Variants in RNF168 observed in about 807,000 individuals in gnomAD.
RNF168 encodes the protein E3 ubiquitin-protein ligase RNF168.
In RNF168, 34 loss-of-function variants were observed where a neutral mutation model predicts 34.9. The observed-to-expected ratio is 0.97, with a 90% CI of 0.74 to 1.30. RNF168 has a LOEUF of 1.30. Among genes scored for constraint, RNF168 ranks in the 50% most tolerant of loss-of-function variants. The pLI is 0.00. For synonymous variants in RNF168, 264 were observed against 254.7 expected, an observed-to-expected ratio of 1.04 and a Z score of -0.35; for missense variants, 725 against 682.5, an observed-to-expected ratio of 1.06 and a Z score of -0.69.
chr3:196,496,568 A>G (rs1732748117), intron 1 of RNF168, among the ~76,000 whole-genome samples: 1 of 152,228 alleles, frequency 6.6e-6, no homozygotes, highest in African/African-American at 2.4e-5. Flanking sequence ...ACCTACACAA[A>G]CAGAGAAATA....
chr3:196,480,319 T>C (rs564318921), intron 4 of RNF168, among the ~76,000 whole-genome samples: 9 of 152,316 alleles, frequency 5.9e-5, no homozygotes, highest in African/African-American at 1.9e-4. Context: ...TATTACTTGG[T>C]TGAAGGGAAA....
intron 4 of RNF168, among the ~76,000 whole-genome samples, chr3:196,480,008 C>T (rs931043416): frequency 3.3e-5 from 5 of 152,058 alleles, no homozygotes; most frequent in South Asian, 2.1e-4. Context: ...AGCACGGTCA[C>T]GGGGAGGGGG....
rs190842578 is a variant in RNF168 at position 196,475,331 on chromosome 3, A to C, written c.681-19T>G. ...CAAATACCTAAAAGAAAAGTTTACC[A>C]AAGTTTCAATGCTTTCAAAGACAGA... On this transcript the variant is annotated intron_variant, in intron 4 of 5. Transcript: ENST00000318037. The C allele has an allele frequency of 5.6e-4, 821 of 1,476,246 alleles. 4 individuals carry two copies. In the African/African-American group the frequency reaches 8.2e-3, roughly 15 times the overall value. The allele number at this position is 1,476,246 out of a possible 1,614,324, so 91.4% of individuals were successfully genotyped here.
At chr3:196,483,693 A>G in intron 4 of RNF168, 77 bp downstream of exon 4, 1 of 1,226,034 alleles carries the variant, frequency 8.2e-7, no homozygotes, top group Non-Finnish European at 1.2e-6. Flanking sequence ...TTTGAGAATC[A>G]GTAGTAGTCT....
At chr3:196,490,182 T>C (rs1732559078) in intron 1 of RNF168, among the ~76,000 whole-genome samples, 1 of 152,142 alleles carries the variant, frequency 6.6e-6, no homozygotes, top group African/African-American at 2.4e-5. Context: ...CAGTAAGCTA[T>C]ACAAAGAGAA....
chr3:196,478,663 T>C (rs1732210330), intron 4 of RNF168, among the ~76,000 whole-genome samples: 1 of 151,720 alleles, frequency 6.6e-6, no homozygotes, highest in Non-Finnish European at 1.5e-5. Flanking sequence ...ATTTTGTTTA[T>C]TTTAGTTATT....
At chr3:196,473,716 G>T (rs374165709) in intron 5 of RNF168, among the ~76,000 whole-genome samples, 1 of 152,066 alleles carries the variant, frequency 6.6e-6, no homozygotes. Flanking sequence ...TTAGCCGGGC[G>T]TGGGGGTATA....
intron 4 of RNF168, among the ~76,000 whole-genome samples, chr3:196,479,537 G>C (rs1732238609): frequency 6.6e-6 from 1 of 152,006 alleles, no homozygotes; most frequent in Admixed American, 6.6e-5. Flanking sequence ...CTAGGCTCAA[G>C]TGATCCACCT....
chr3:196,499,167 C>T (rs1338063346), intron 1 of RNF168, among the ~76,000 whole-genome samples: 1 of 151,364 alleles, frequency 6.6e-6, no homozygotes, highest in Non-Finnish European at 1.5e-5. Flanking sequence ...AACTAGTGTC[C>T]TGGTAAAAAA....
chr3:196,497,446 C>T (rs572138596), intron 1 of RNF168, among the ~76,000 whole-genome samples: 2 of 152,108 alleles, frequency 1.3e-5, no homozygotes, highest in African/African-American at 2.4e-5. Flanking sequence ...CCAAGGCAGG[C>T]GGATCACGAG....
At chr3:196,488,551 G>T in intron 2 of RNF168, 56 bp downstream of exon 2, 1 of 1,023,494 alleles carries the variant, frequency 9.8e-7, no homozygotes, top group South Asian at 1.4e-5. Flanking sequence ...ATTAAAATCT[G>T]AAACTAAAAA....
chr3:196,481,914 T>A (rs991752850), intron 4 of RNF168, among the ~76,000 whole-genome samples: 2 of 150,316 alleles, frequency 1.3e-5, no homozygotes, highest in African/African-American at 4.9e-5. Context: ...ACCTCAGACC[T>A]CAGCCTCCCA....
In RNF168 at chr3:196,469,957, C is replaced by A. The variant is rs569250061; in HGVS notation, c.*1862G>T. Reference sequence around the variant, plus strand: ...ATGCCTGATAGTAGGGTGTGAAAAGCTGTAAAACCCAAATGTTTCCTGTGT... The same window carrying A: ...ATGCCTGATAGTAGGGTGTGAAAAGATGTAAAACCCAAATGTTTCCTGTGT... On this transcript the variant is annotated 3_prime_UTR_variant, in exon 6 of 6. Coordinates refer to ENST00000318037, the MANE Select transcript of RNF168 (RefSeq NM_152617.4). 33 of 152,306 alleles carry A rather than the reference C, an allele frequency of 2.2e-4. No homozygotes were observed. Among genetic ancestry groups the A allele is most frequent in the African/African-American group, 7.5e-4 (31 of 41,566 alleles). 9.4% of individuals were successfully genotyped at this position (152,306 alleles called of 1,614,324 possible). A position where few individuals can be genotyped will look rare whatever the true frequency, so the allele number is the denominator to read the frequency against.
intron 1 of RNF168, among the ~76,000 whole-genome samples, chr3:196,501,091 G>C (rs1273491587): frequency 1.3e-5 from 2 of 152,198 alleles, no homozygotes; most frequent in African/African-American, 4.8e-5. Context: ...TGTTGGTGAG[G>C]AAGTGAAGAA....
intron 1 of RNF168, among the ~76,000 whole-genome samples, 194 bp from the exon 2 acceptor site, chr3:196,488,877 A>G (rs994052407): frequency 6.6e-6 from 1 of 152,110 alleles, no homozygotes; most frequent in African/African-American, 2.4e-5. Flanking sequence ...TTTGAGACAG[A>G]GCCTTGCTCT....
intron 4 of RNF168, among the ~76,000 whole-genome samples, chr3:196,476,157 G>A (rs941546648): frequency 2.0e-5 from 3 of 152,230 alleles, no homozygotes; most frequent in African/African-American, 4.8e-5. Flanking sequence ...ACTGCGCCCA[G>A]CGTAAATATT....
In RNF168 at chr3:196,483,903, G is replaced by C; in HGVS notation, c.559-12C>G. The C allele has an allele frequency of 6.3e-7, 1 of 1,595,824 alleles. No homozygotes were observed. Among genetic ancestry groups the C allele is most frequent in the Admixed American group, 1.7e-5 (1 of 59,988 alleles). ...TCACAGAAATTGTTCTTCAACAATA[G>C]AAAAAGCATAACAGACATTATGAGA... is the stretch of plus-strand genomic sequence containing the variant. On this transcript the variant is annotated splice_polypyrimidine_tract_variant and intron_variant, in intron 3 of 5. Coordinates refer to ENST00000318037, the MANE Select transcript of RNF168 (RefSeq NM_152617.4).
intron 5 of RNF168, among the ~76,000 whole-genome samples, chr3:196,474,017 T>TG (rs757326746): frequency 6.6e-6 from 1 of 152,152 alleles, no homozygotes; most frequent in Non-Finnish European, 1.5e-5. Flanking sequence ...TACACTCACT[T>TG]GTGTGGCCTT....
chr3:196,488,202 C>A (rs980941352), intron 2 of RNF168, among the ~76,000 whole-genome samples: 1 of 152,242 alleles, frequency 6.6e-6, no homozygotes, highest in Admixed American at 6.5e-5. Flanking sequence ...CATATTTTGG[C>A]CAGGCACAGT....
Sources: gnomAD v4.1 joint callset for allele counts (sites outside exome capture counted in the v4.1 genomes callset) on GRCh38, gnomAD v4.1.1 for gene constraint, MANE v1.5 for transcripts, NCBI Gene and HGNC (gene_info 2026-07-23, HGNC 2026-07-21) for gene names.